MLLT11: variants seen among roughly 807,000 people sequenced by gnomAD.
MLLT11 encodes the protein protein AF1q.
MLLT11 carries 1 observed loss-of-function variant against 5.3 expected under a neutral mutation model. The observed-to-expected ratio is 0.19, with a 90% CI of 0.07 to 0.89. MLLT11 has a LOEUF of 0.89. MLLT11 is among the 40% of genes least tolerant of loss of function. The probability of loss-of-function intolerance (pLI) is 0.67; values close to 1 mark genes in which losing one functional copy is unlikely to be tolerated. For missense variants in MLLT11, 87 were observed against 107.3 expected, an observed-to-expected ratio of 0.81 and a Z score of 0.83; for synonymous variants, 38 against 41.7, an observed-to-expected ratio of 0.91 and a Z score of 0.34.
intron 1 of MLLT11, among the ~76,000 whole-genome samples, chr1:151,060,976 G>C (rs915569514): frequency 6.6e-6 from 1 of 152,152 alleles, no homozygotes; most frequent in Non-Finnish European, 1.5e-5. Context: ...GAGTTTGGGA[G>C]GGGGTTATAT....
At chr1:151,060,834 ACTTAT>A (rs1676394576) in intron 1 of MLLT11, among the ~76,000 whole-genome samples, 1 of 152,132 alleles carries the variant, frequency 6.6e-6, no homozygotes, top group African/African-American at 2.4e-5. Context: ...TCTTCAGTCT[ACTTAT>A]CTTCCTTTTC....
chr1:151,061,905 T>C (rs895161008), intron 1 of MLLT11, among the ~76,000 whole-genome samples: 3 of 152,194 alleles, frequency 2.0e-5, no homozygotes, highest in African/African-American at 7.2e-5. Flanking sequence ...CATAGAGATT[T>C]TAGGCCTTTT....
chr1:151,063,164 G>A (rs1346110583), intron 1 of MLLT11, among the ~76,000 whole-genome samples: 1 of 152,064 alleles, frequency 6.6e-6, no homozygotes, highest in Non-Finnish European at 1.5e-5. Flanking sequence ...CATTCCTGAA[G>A]CCCCCACACT....
Position 151,069,436 on chromosome 1 carries a change from T to C in MLLT11, c.*1939T>C, listed in dbSNP as rs1464292277. On this transcript the variant is annotated 3_prime_UTR_variant, in exon 2 of 2. Coordinates refer to ENST00000368921, the MANE Select transcript of MLLT11 (RefSeq NM_006818.4). The stretch of plus-strand genomic sequence containing the variant: ...GCCAGGAAGGATAAGTAGTGCGTCC[T>C]TTTCTATTTTTACTGAGTTTTGAAG... 6.6e-6 allele frequency among the ~76,000 whole-genome samples: 1 copy of C among 152,196 alleles called. No individual in the cohort carries two copies.
chr1:151,066,036 T>TG (rs1441767197), intron 1 of MLLT11, among the ~76,000 whole-genome samples: 1 of 152,066 alleles, frequency 6.6e-6, no homozygotes, highest in African/African-American at 2.4e-5. Context: ...GACGGAGTTT[T>TG]GCCATGTTGC....
In MLLT11 at chr1:151,069,476, C is replaced by G. The variant is rs1676538766; in HGVS notation, c.*1979C>G. On this transcript the variant is annotated 3_prime_UTR_variant, in exon 2 of 2. Transcript: ENST00000368921. ...GAGTTTTGAAGGGCCCCTTCAGAGT[C>G]CTTCAGCCATGGCAATTGGTGGGTG... Among the ~76,000 whole-genome samples the G allele has an allele frequency of 6.6e-6, 1 of 152,168 alleles. No individual in the cohort carries two copies. Among genetic ancestry groups the G allele is most frequent in the African/African-American group, 2.4e-5 (1 of 41,434 alleles).
chr1:151,063,145 C>T (rs1454033326), intron 1 of MLLT11, among the ~76,000 whole-genome samples: 1 of 152,196 alleles, frequency 6.6e-6, no homozygotes, highest in Non-Finnish European at 1.5e-5. Flanking sequence ...TCCTAGCCTA[C>T]CCACTCACCA....
intron 1 of MLLT11, among the ~76,000 whole-genome samples, chr1:151,063,995 G>C (rs1159912234): frequency 1.4e-5 from 2 of 140,496 alleles, no homozygotes; most frequent in African/African-American, 5.4e-5. Flanking sequence ...CCCTGTTACA[G>C]CATAGGAAAG....
rs962777965 is a variant in MLLT11 at position 151,069,453 on chromosome 1, G to C, written c.*1956G>C. 6.6e-6 allele frequency among the ~76,000 whole-genome samples: 1 copy of C among 152,196 alleles called. No homozygotes were observed. The highest frequency in any genetic ancestry group is 1.9e-4 in the East Asian group (1 of 5,192). On this transcript the variant is annotated 3_prime_UTR_variant, in exon 2 of 2. Transcript: ENST00000368921. ...GTGCGTCCTTTTCTATTTTTACTGA[G>C]TTTTGAAGGGCCCCTTCAGAGTCCT... is the stretch of plus-strand genomic sequence containing the variant.
Position 151,069,151 on chromosome 1 carries a change from T to G in MLLT11, c.*1654T>G, listed in dbSNP as rs1378357054. ...TGTTATCTGCTTAACTTCTGGTTTT[T>G]GTGTGCCTGCTATAGGAAAGCACTG... On this transcript the variant is annotated 3_prime_UTR_variant, in exon 2 of 2. Coordinates refer to ENST00000368921, the MANE Select transcript of MLLT11 (RefSeq NM_006818.4). Among the ~76,000 whole-genome samples, 1 of 152,204 alleles carries G rather than the reference T, an allele frequency of 6.6e-6. No individual in the cohort carries two copies. The highest frequency in any genetic ancestry group is 1.5e-5 in the Non-Finnish European group (1 of 68,042).
At chr1:151,062,413 A>G (rs985409219) in intron 1 of MLLT11, among the ~76,000 whole-genome samples, 5 of 147,324 alleles carry the variant, frequency 3.4e-5, no homozygotes, top group African/African-American at 1.0e-4. Context: ...CCCAGGCTGG[A>G]GTGCAGTGGT....
chr1:151,062,671 A>G (rs962270592), intron 1 of MLLT11, among the ~76,000 whole-genome samples: 1 of 151,964 alleles, frequency 6.6e-6, no homozygotes, highest in East Asian at 1.9e-4. Context: ...CCATGATTCT[A>G]TTTTTTAAAG....
intron 1 of MLLT11, among the ~76,000 whole-genome samples, chr1:151,060,886 G>T (rs1676395235): frequency 6.6e-6 from 1 of 151,916 alleles, no homozygotes; most frequent in Non-Finnish European, 1.5e-5. Flanking sequence ...TTAATTTTTA[G>T]TCCTACTGTA....
intron 1 of MLLT11, among the ~76,000 whole-genome samples, chr1:151,065,172 GTA>G (rs1168868929): frequency 6.6e-6 from 1 of 152,146 alleles, no homozygotes; most frequent in Non-Finnish European, 1.5e-5. Context: ...AATTTTCTGT[GTA>G]GTCTTATTTT....
At chr1:151,063,426 TTTA>T (rs587714955) in intron 1 of MLLT11, among the ~76,000 whole-genome samples, 5 of 151,852 alleles carry the variant, frequency 3.3e-5, no homozygotes, top group Non-Finnish European at 5.9e-5. Flanking sequence ...TTTTTATTTA[TTTA>T]TTATTATTAT....
At chr1:151,067,150 A>G in intron 1 of MLLT11, 69 bp from the exon 2 acceptor site, 1 of 1,412,914 alleles carries the variant, frequency 7.1e-7, no homozygotes, top group Non-Finnish European at 9.8e-7. Flanking sequence ...GGAGTATCTA[A>G]GCAAGGAAAG....
intron 1 of MLLT11, among the ~76,000 whole-genome samples, chr1:151,063,747 T>C (rs1676439295): frequency 6.6e-6 from 1 of 152,196 alleles, no homozygotes; most frequent in African/African-American, 2.4e-5. Flanking sequence ...TCTTGACCCT[T>C]GGCTAGTAAG....
In MLLT11 at chr1:151,069,501, G is replaced by T. The variant is rs2102982470; in HGVS notation, c.*2004G>T. 6.6e-6 allele frequency among the ~76,000 whole-genome samples: 1 copy of T among 152,312 alleles called. No individual in the cohort carries two copies. On this transcript the variant is annotated 3_prime_UTR_variant, in exon 2 of 2. Transcript: ENST00000368921. ...CCTTCAGCCATGGCAATTGGTGGGT[G>T]GAGACAGGGATCAACTGTTTGGTAA...
intron 1 of MLLT11, among the ~76,000 whole-genome samples, chr1:151,065,286 G>C (rs1020410859): frequency 6.6e-6 from 1 of 152,148 alleles, no homozygotes; most frequent in Non-Finnish European, 1.5e-5. Context: ...TGACATAGAG[G>C]TTTTAGGCCT....
Sources: gnomAD v4.1 joint callset for allele counts (sites outside exome capture counted in the v4.1 genomes callset) on GRCh38, gnomAD v4.1.1 for gene constraint, MANE v1.5 for transcripts, NCBI Gene and HGNC (gene_info 2026-07-23, HGNC 2026-07-21) for gene names.